UCK2: variants seen among roughly 807,000 people sequenced by gnomAD.
The protein encoded by UCK2 is uridine-cytidine kinase 2, also known as cytidine monophosphokinase 2.
In UCK2, 6 loss-of-function variants were observed where a neutral mutation model predicts 30.8. The observed-to-expected ratio is 0.19, with a 90% CI of 0.11 to 0.38. The LOEUF (loss-of-function observed/expected upper bound fraction) is 0.38, where lower values mean the gene tolerates loss of function less well. Among genes scored for constraint, UCK2 ranks in the 10% least tolerant of loss-of-function variants. UCK2 has a pLI of 1.00. For synonymous variants in UCK2, 125 were observed against 133.6 expected (o/e 0.94, Z 0.45); for missense variants, 210 against 339.8 (o/e 0.62, Z 3.00).
intron 1 of UCK2, 94 bp downstream of exon 1, chr1:165,828,026 C>G (rs1653935793): frequency 1.0e-5 from 10 of 996,202 alleles, no homozygotes; most frequent in Non-Finnish European, 1.3e-5. Context: ...GTTGCGGCAG[C>G]CACCGCGTGG....
At chr1:165,884,387 C>T (rs1162111221) in intron 1 of UCK2, among the ~76,000 whole-genome samples, 1 of 152,208 alleles carries the variant, frequency 6.6e-6, no homozygotes, top group East Asian at 1.9e-4. Context: ...CAACAGACAT[C>T]TTGATGGGAT....
chr1:165,891,362 T>C, intron 3 of UCK2, 40 bp downstream of exon 3: 1 of 1,571,720 alleles, frequency 6.4e-7, no homozygotes, highest in South Asian at 1.1e-5. Flanking sequence ...CACCCACTGC[T>C]CCGCAGAGCA....
chr1:165,880,562 TGGGGGTGTGTGTGTGTGTG>T (rs767017033), intron 1 of UCK2, among the ~76,000 whole-genome samples: 48,560 of 115,742 alleles, frequency 0.42, 8,274 homozygotes, highest in Non-Finnish European at 0.47. Flanking sequence ...CAGTTTTTTT[TGGGGGTGTGTGTGTGTGTG>T]TGTGTGTGTG....
chr1:165,877,573 C>T (rs914324574), intron 1 of UCK2, among the ~76,000 whole-genome samples: 4 of 152,164 alleles, frequency 2.6e-5, no homozygotes, highest in African/African-American at 9.7e-5. Context: ...TCTGGAGATT[C>T]GTGCAGGTTG....
At position 165,910,359 on chromosome 1, in the gene UCK2, T is replaced by G. The variant is rs1315884170; in HGVS notation, c.*2536T>G. 6.6e-6 allele frequency: 1 copy of G among 152,238 alleles called. No individual in the cohort carries two copies. The highest frequency in any genetic ancestry group is 6.5e-5 in the Admixed American group (1 of 15,284). 9.4% of individuals were successfully genotyped at this position (152,238 alleles called of 1,614,324 possible). On this transcript the variant is annotated 3_prime_UTR_variant, in exon 7 of 7. Transcript: ENST00000367879. ...GAAACCATGACATTTGCCATCTAGG[T>G]ACTCTGCTGTTCAGGGTGGAGGCAC...
In UCK2 at chr1:165,908,674, T is replaced by C. The variant is rs1023619615; in HGVS notation, c.*851T>C. 7.2e-5 allele frequency: 11 copies of C among 152,152 alleles called. No homozygotes were observed. The highest frequency in any genetic ancestry group is 2.7e-4 in the African/African-American group (11 of 41,404). 9.4% of individuals were successfully genotyped at this position (152,152 alleles called of 1,614,324 possible). On this transcript the variant is annotated 3_prime_UTR_variant, in exon 7 of 7. Transcript: ENST00000367879. ...GAGATTTTATGGGATCGCTTCCTGA[T>C]AGAAGATGGGAAGGAGAGGGCAGAA...
At chr1:165,835,209 G>A (rs1278373577) in intron 1 of UCK2, among the ~76,000 whole-genome samples, 1 of 150,346 alleles carries the variant, frequency 6.7e-6, no homozygotes, top group Admixed American at 6.6e-5. Context: ...TGATAGAATG[G>A]GCTGATAACA....
At position 165,875,315 on chromosome 1, in the gene UCK2, C is replaced by T. The variant is rs550294018; in HGVS notation, c.100-14889C>T. Reference sequence around the variant, plus strand: ...AGGAATCAAGCCAGGTCCTGTGTGCCCTGCCCAGCCTGACTTTAAAGGACT... The same window carrying T: ...AGGAATCAAGCCAGGTCCTGTGTGCTCTGCCCAGCCTGACTTTAAAGGACT... On this transcript the variant is annotated intron_variant, in intron 1 of 6. Transcript: ENST00000367879. 2.8e-4 allele frequency among the ~76,000 whole-genome samples: 43 copies of T among 152,272 alleles called. 1 individual carries two copies. In the South Asian group the frequency reaches 7.9e-3, roughly 28 times the overall value.
intron 4 of UCK2, among the ~76,000 whole-genome samples, chr1:165,898,476 G>A (rs1647345291): frequency 6.6e-6 from 1 of 152,156 alleles, no homozygotes. Flanking sequence ...TGACAAGACT[G>A]GTTAGATCCT....
Position 165,907,803 on chromosome 1 carries a change from T to G in UCK2, c.766T>G (p.Ser256Ala). 6.2e-7 allele frequency: 1 copy of G among 1,613,716 alleles called. No homozygotes were observed. Among genetic ancestry groups the G allele is most frequent in the Non-Finnish European group, 8.5e-7 (1 of 1,179,946 alleles). The change falls in exon 7 of 7, where the codon TCC becomes GCC. Residue 256 changes from serine to alanine, a missense_variant. By Grantham distance (99) the Ser-to-Ala change is moderately conservative. Around this residue, in one of 4 missense-constraint regions of UCK2, gnomAD observed 38 missense variants for 45.4 expected, o/e 0.84. Transcript: ENST00000367879. ...TPSRKRQASE[S>A]SSRPH is the part of the protein sequence containing the mutation. ...TTCACGCAAGAGGCAGGCATCGGAG[T>G]CCAGCAGCAGGCCGCATTGACCCGT...
At chr1:165,862,114 G>A (rs183711806) in intron 1 of UCK2, among the ~76,000 whole-genome samples, 1 of 152,178 alleles carries the variant, frequency 6.6e-6, no homozygotes, top group Admixed American at 6.5e-5. Flanking sequence ...AATACTTGAC[G>A]GAAACCATCA....
chr1:165,837,459 G>A (rs148687252), intron 1 of UCK2, among the ~76,000 whole-genome samples: 3 of 152,232 alleles, frequency 2.0e-5, no homozygotes, highest in Non-Finnish European at 4.4e-5. Context: ...CATCTCAACT[G>A]GATACCAGTT....
intron 1 of UCK2, among the ~76,000 whole-genome samples, chr1:165,876,169 A>C (rs368838461): frequency 6.6e-6 from 1 of 152,190 alleles, no homozygotes; most frequent in Non-Finnish European, 1.5e-5. Flanking sequence ...TTTAAAATCT[A>C]TCTTGCCCAG....
At chr1:165,896,110 G>A in intron 3 of UCK2, 80 bp from the exon 4 acceptor site, 2 of 1,577,010 alleles carry the variant, frequency 1.3e-6, no homozygotes, top group Non-Finnish European at 1.7e-6. Context: ...ACCCAGCCCA[G>A]CCAGATGTTC....
At position 165,827,811 on chromosome 1, in the gene UCK2, C is replaced by T. The variant is rs1653926219; in HGVS notation, c.-23C>T. ...AGCGTGCGTCCGTTCGCACAGGCAG[C>T]GGGAGGAGGGGCGGCGCGAACCATG... On this transcript the variant is annotated 5_prime_UTR_variant, in exon 1 of 7. Coordinates refer to ENST00000367879, the MANE Select transcript of UCK2 (RefSeq NM_012474.5). 5 of 1,396,260 alleles carry T rather than the reference C, an allele frequency of 3.6e-6. No homozygotes were observed. In the South Asian group the frequency reaches 5.1e-5, roughly 14 times the overall value. The allele number at this position is 1,396,260 out of a possible 1,614,324, so 86.5% of individuals were successfully genotyped here. A position where few individuals can be genotyped will look rare whatever the true frequency, so the allele number is the denominator to read the frequency against.
Position 165,861,654 on chromosome 1 carries a change from A to AAAAAAG in UCK2, c.100-28545_100-28544insGAAAAA. Among the ~76,000 whole-genome samples, 2 of 98,918 alleles carry AAAAAAG rather than the reference A, an allele frequency of 2.0e-5. 1 individual carries two copies. Among genetic ancestry groups the AAAAAAG allele is most frequent in the Non-Finnish European group, 4.3e-5 (2 of 46,078 alleles). 64.9% of individuals were successfully genotyped at this position (98,918 alleles called of 152,430 possible). On this transcript the variant is annotated intron_variant, in intron 1 of 6. Coordinates refer to ENST00000367879, the MANE Select transcript of UCK2 (RefSeq NM_012474.5). Reference sequence around the variant, plus strand: ...AAAAAAAAAAAAAAAAAAAAACAAAAAAAAACAACAGTAAAACTCAATAGC... The same window carrying AAAAAAG: ...AAAAAAAAAAAAAAAAAAAAACAAAAAAAAAGAAAAACAACAGTAAAACTCAATAGC...
intron 1 of UCK2, among the ~76,000 whole-genome samples, chr1:165,851,297 C>G (rs921694512): frequency 6.6e-6 from 1 of 152,204 alleles, no homozygotes; most frequent in Non-Finnish European, 1.5e-5. Flanking sequence ...CTGGCTTCGC[C>G]CACAAGCACA....
At chr1:165,844,259 G>A (rs1355023674) in intron 1 of UCK2, among the ~76,000 whole-genome samples, 2 of 152,190 alleles carry the variant, frequency 1.3e-5, no homozygotes, top group Admixed American at 1.3e-4. Context: ...CACCTAGAAC[G>A]GCTCCCTCCT....
chr1:165,884,385 A>T (rs1655570488), intron 1 of UCK2, among the ~76,000 whole-genome samples: 1 of 152,200 alleles, frequency 6.6e-6, no homozygotes. Context: ...TACAACAGAC[A>T]TCTTGATGGG....
Sources: gnomAD v4.1 joint callset for allele counts (sites outside exome capture counted in the v4.1 genomes callset) on GRCh38, gnomAD v4.1.1 for gene constraint, gnomAD v4.1.1 regional missense constraint, MANE v1.5 for transcripts, NCBI Gene and HGNC (gene_info 2026-07-23, HGNC 2026-07-21) for gene names.